The following MYT1L variants were observed in gnomAD, a reference collection of about 807,000 sequenced individuals.
The protein encoded by MYT1L is myelin transcription factor 1 like, also known as myelin transcription factor 1-like protein.
In MYT1L, 12 loss-of-function variants were observed where a neutral mutation model predicts 126.7. The ratio of observed to expected loss-of-function variants is 0.09; its 90% confidence interval spans 0.06 to 0.15. The LOEUF is 0.15. MYT1L is among the 10% of genes least tolerant of loss of function. The probability of loss-of-function intolerance (pLI) is 1.00; values close to 1 mark genes in which losing one functional copy is unlikely to be tolerated. For synonymous variants in MYT1L, 541 were observed against 604.2 expected (o/e 0.90, Z 1.53); for missense variants, 979 against 1,585.2 (o/e 0.62, Z 6.49).
intron 3 of MYT1L, among the ~76,000 whole-genome samples, chr2:2,104,139 C>T (rs963852271): frequency 2.0e-5 from 3 of 152,214 alleles, no homozygotes; most frequent in African/African-American, 7.2e-5. Flanking sequence ...ATTCAAGTTA[C>T]ATTAATACCA....
intron 4 of MYT1L, among the ~76,000 whole-genome samples, chr2:2,017,695 CCTAT>C (rs748147315): frequency 7.9e-5 from 12 of 152,034 alleles, no homozygotes; most frequent in East Asian, 1.9e-4. Flanking sequence ...TAAGTATAAT[CCTAT>C]CTATCTATCT....
In MYT1L at chr2:1,889,918, A is replaced by G. The variant is rs2048637329; in HGVS notation, c.2284-441T>C. ...CATGTGTGCATATACATGTATGTGC[A>G]TGTGTGTGTGTGTATAAACACACAT... is the stretch of plus-strand genomic sequence containing the variant. On this transcript the variant is annotated intron_variant, in intron 15 of 24. Coordinates refer to ENST00000647738, the MANE Select transcript of MYT1L (RefSeq NM_001303052.2). The surrounding 1 kb of genome is among the most constrained non-coding windows in gnomAD (Gnocchi z 4.1). 6.6e-6 allele frequency among the ~76,000 whole-genome samples: 1 copy of G among 151,962 alleles called. No homozygotes were observed. Among genetic ancestry groups the G allele is most frequent in the Non-Finnish European group, 1.5e-5 (1 of 67,992 alleles).
At chr2:2,197,894 G>A (rs544379321) in intron 2 of MYT1L, among the ~76,000 whole-genome samples, 13 of 144,688 alleles carry the variant, frequency 9.0e-5, no homozygotes, top group East Asian at 6.2e-4. Context: ...CACACACAAC[G>A]AATGTGTACA....
At chr2:2,079,700 G>A (rs939285240) in intron 3 of MYT1L, among the ~76,000 whole-genome samples, 9 of 152,172 alleles carry the variant, frequency 5.9e-5, no homozygotes, top group East Asian at 3.9e-4. Flanking sequence ...CCAGCTACTC[G>A]GGAGGCTGAG....
chr2:2,005,260 ATAC>A (rs2063115953), intron 4 of MYT1L, among the ~76,000 whole-genome samples: 1 of 135,448 alleles, frequency 7.4e-6, no homozygotes, highest in African/African-American at 2.9e-5. Context: ...TCTTTCCTGC[ATAC>A]GTTCTTTCCT....
chr2:1,817,783 T>A (rs1572517609), intron 21 of MYT1L, among the ~76,000 whole-genome samples: 1 of 152,168 alleles, frequency 6.6e-6, no homozygotes, highest in South Asian at 2.1e-4. Context: ...CCACGGCTGG[T>A]CCCGGGTGTA....
rs554745102 is a variant in MYT1L, at chr2:2,183,427, C to A, written c.-420-10439G>T. ...TAGGAAGAGAGAAGGAGCCTGGAAC[C>A]AAGCCATCCTGTTTCCTAAAGCTTG... On this transcript the variant is annotated intron_variant, in intron 2 of 24. Coordinates refer to ENST00000647738, the MANE Select transcript of MYT1L (RefSeq NM_001303052.2). Among the ~76,000 whole-genome samples the A allele has an allele frequency of 3.9e-5, 6 of 152,224 alleles. No individual in the cohort carries two copies. In the East Asian group the frequency reaches 9.7e-4, roughly 25 times the overall value.
intron 3 of MYT1L, among the ~76,000 whole-genome samples, chr2:2,137,288 C>T (rs1215346867): frequency 1.3e-5 from 2 of 152,230 alleles, no homozygotes; most frequent in South Asian, 2.1e-4. Flanking sequence ...AGATTCAATG[C>T]CATCCTCATC....
intron 12 of MYT1L, among the ~76,000 whole-genome samples, chr2:1,911,254 C>A (rs1169958296): frequency 1.3e-5 from 2 of 152,128 alleles, no homozygotes; most frequent in Admixed American, 6.6e-5. Context: ...CCAGGTTTGC[C>A]AGTCAGACAA....
At chr2:2,121,424 C>T (rs1354688944) in intron 3 of MYT1L, among the ~76,000 whole-genome samples, 2 of 152,034 alleles carry the variant, frequency 1.3e-5, no homozygotes, top group African/African-American at 4.8e-5. Flanking sequence ...ATCCGCCCGC[C>T]TAGGCCACCC....
chr2:2,065,458 T>G (rs1487803062), intron 3 of MYT1L, among the ~76,000 whole-genome samples: 1 of 152,244 alleles, frequency 6.6e-6, no homozygotes, highest in African/African-American at 2.4e-5. Flanking sequence ...CCCAAAGCAA[T>G]TGCACTTTGA....
At chr2:2,061,586 G>A (rs1202468461) in intron 3 of MYT1L, among the ~76,000 whole-genome samples, 1 of 152,094 alleles carries the variant, frequency 6.6e-6, no homozygotes, top group Non-Finnish European at 1.5e-5. Flanking sequence ...GAAGAGGGAC[G>A]CTGAAGAACT....
At chr2:1,942,750 T>G (rs990862696) in intron 9 of MYT1L, among the ~76,000 whole-genome samples, 7 of 152,222 alleles carry the variant, frequency 4.6e-5, no homozygotes, top group African/African-American at 1.7e-4. Context: ...AGTAAATTAC[T>G]GACAACCAAA....
chr2:2,021,987 A>T (rs951876944), intron 4 of MYT1L, among the ~76,000 whole-genome samples: 3 of 152,236 alleles, frequency 2.0e-5, no homozygotes, highest in African/African-American at 7.2e-5. Flanking sequence ...CACAAGTGGC[A>T]GTTCCAAAAT....
chr2:2,103,465 T>C (rs1258995574), intron 3 of MYT1L, among the ~76,000 whole-genome samples: 2 of 152,200 alleles, frequency 1.3e-5, no homozygotes, highest in Non-Finnish European at 2.9e-5. Context: ...AGTGGTGGCA[T>C]GTCTGCGGGG....
At chr2:1,956,211 A>ATCTATCTATCTATCTATCTATCTATCTC (rs2058348965) in intron 8 of MYT1L, among the ~76,000 whole-genome samples, 3 of 142,066 alleles carry the variant, frequency 2.1e-5, no homozygotes, top group African/African-American at 9.1e-5. Flanking sequence ...CTATCTATCT[A>ATCTATCTATCTATCTATCTATCTATCTC]TCTATCTATC....
Position 1,809,063 on chromosome 2 carries a change from G to A in MYT1L, c.3172+13C>T. ...CTGACCATGGGTGCCACGAGGGCTGGAGGGGTGCTCACCGTTGCTGGCCCG... is the reference window on the plus strand; with the variant it reads ...CTGACCATGGGTGCCACGAGGGCTGAAGGGGTGCTCACCGTTGCTGGCCCG... On this transcript the variant is annotated intron_variant, in intron 22 of 24. Coordinates refer to ENST00000647738, the MANE Select transcript of MYT1L (RefSeq NM_001303052.2). 1 of 1,613,456 alleles carries A rather than the reference G, an allele frequency of 6.2e-7. No homozygotes were observed. Among genetic ancestry groups the A allele is most frequent in the Non-Finnish European group, 8.5e-7 (1 of 1,179,586 alleles).
intron 8 of MYT1L, chr2:1,974,398 T>C (rs1298533334): frequency 6.6e-6 from 1 of 152,244 alleles, no homozygotes; most frequent in Non-Finnish European, 1.5e-5. Context: ...TCACTCGTGA[T>C]GTAAGCATTA....
intron 3 of MYT1L, among the ~76,000 whole-genome samples, chr2:2,158,643 A>G (rs968846092): frequency 5.3e-5 from 8 of 151,106 alleles, no homozygotes; most frequent in East Asian, 1.9e-4. Context: ...ACACACACAC[A>G]CACACGCGTA....
Sources: allele counts gnomAD v4.1 joint callset (sites outside exome capture counted in the v4.1 genomes callset), GRCh38; gene constraint gnomAD v4.1.1; non-coding constraint Gnocchi (gnomAD v3.1); transcripts MANE v1.5; gene names NCBI Gene and HGNC (gene_info 2026-07-23, HGNC 2026-07-21).